Variants in BTBD8 observed in about 807,000 individuals in gnomAD.
The protein encoded by BTBD8 is BTB domain containing 8, also known as BTB/POZ domain-containing protein 8.
A neutral mutation model predicts 162.9 loss-of-function variants in BTBD8; 110 were observed. The observed-to-expected ratio is 0.68, with a 90% CI of 0.58 to 0.79. The LOEUF is 0.79. Among genes scored for constraint, BTBD8 ranks in the 30% least tolerant of loss-of-function variants. The pLI is 0.00. For missense variants in BTBD8, 1,905 were observed against 2,085.4 expected (o/e 0.91, Z 1.68); for synonymous variants, 667 against 716.1 (o/e 0.93, Z 1.10).
chr1:92,085,444 T>G (rs1648131918), intron 1 of BTBD8, among the ~76,000 whole-genome samples: 1 of 152,154 alleles, frequency 6.6e-6, no homozygotes, highest in Non-Finnish European at 1.5e-5. Context: ...ATACAAAAAC[T>G]AGCCTGGCAT....
chr1:92,095,863 C>T (rs1202227871), intron 2 of BTBD8, among the ~76,000 whole-genome samples: 1 of 152,152 alleles, frequency 6.6e-6, no homozygotes, highest in East Asian at 1.9e-4. Flanking sequence ...CATCTTGATT[C>T]TAAGAATCTT....
chr1:92,135,352 A>G (rs2101935380), intron 5 of BTBD8, among the ~76,000 whole-genome samples: 1 of 152,254 alleles, frequency 6.6e-6, no homozygotes, highest in Middle Eastern at 3.4e-3. Flanking sequence ...CACCCAGATA[A>G]TTTTTTATTT....
rs550797809 is a variant in BTBD8 at position 92,095,999 on chromosome 1, G to C, written c.348-6474G>C. On this transcript the variant is annotated intron_variant, in intron 2 of 17. Coordinates refer to ENST00000636805, the MANE Select transcript of BTBD8 (RefSeq NM_001376131.1). ...CTTTTTTTTTTTTTCTGAGACAGAG[G>C]CTTGCTCTGTCACCCAGGCTGGATG... 5.3e-5 allele frequency among the ~76,000 whole-genome samples: 8 copies of C among 151,100 alleles called. 1 individual carries two copies. The South Asian group carries it at 1.7e-3, about 32-fold the overall frequency.
chr1:92,085,855 G>A (rs1648145935), intron 1 of BTBD8, among the ~76,000 whole-genome samples: 1 of 152,124 alleles, frequency 6.6e-6, no homozygotes, highest in African/African-American at 2.4e-5. Context: ...AGGCCTTTGG[G>A]GCTACAAAGT....
chr1:92,098,580 G>GT lies in BTBD8; in HGVS notation c.348-3884dup, dbSNP rs879398810. Among the ~76,000 whole-genome samples the GT allele has an allele frequency of 4.7e-3, 705 of 150,692 alleles. 4 individuals are homozygous for GT. Among genetic ancestry groups the GT allele is most frequent in the Admixed American group, 0.011 (163 of 15,112 alleles). On this transcript the variant is annotated intron_variant, in intron 2 of 17. Transcript: ENST00000636805. ...TCTCCATATTCTCAACATGTTATCTGTTTTTTTTTAAAATTATACCTATCC... is the reference window on the plus strand; with the variant it reads ...TCTCCATATTCTCAACATGTTATCTGTTTTTTTTTTAAAATTATACCTATCC...
At chr1:92,178,187 T>G (rs1218472905) in intron 15 of BTBD8, 125 bp from the exon 16 acceptor site, 15 of 762,372 alleles carry the variant, frequency 2.0e-5, no homozygotes, top group African/African-American at 3.5e-5. Context: ...GAGCATATGA[T>G]TTTTCTATTT....
rs1307742577 is a variant in BTBD8 at position 92,184,324 on chromosome 1, G to A, written c.5373G>A (p.Gln1791=). The A allele has an allele frequency of 7.2e-6, 11 of 1,538,156 alleles. No individual in the cohort carries two copies. In the East Asian group the frequency reaches 2.5e-4, roughly 34 times the overall value. ...GEWTILELET[Q]H is the part of the protein sequence containing the mutation. ...GGACAATTCTGGAACTGGAAACTCA[G>A]CATTAAGTGTTAACATTTTGGAAAA... is the stretch of plus-strand genomic sequence containing the variant. Residue 1791 remains glutamine (Q), a synonymous_variant, in exon 18 of 18, where the codon CAG becomes CAA. Transcript: ENST00000636805.
intron 7 of BTBD8, among the ~76,000 whole-genome samples, chr1:92,141,660 TACTA>T (rs1649777741): frequency 6.6e-6 from 1 of 152,198 alleles, no homozygotes. Context: ...GACCTATGGA[TACTA>T]ACTAATTTTA....
chr1:92,133,597 C>T (rs930898493), intron 5 of BTBD8, among the ~76,000 whole-genome samples: 4 of 152,196 alleles, frequency 2.6e-5, no homozygotes, highest in Admixed American at 6.5e-5. Flanking sequence ...GTTAGTAATT[C>T]ACCAGATACT....
At position 92,128,909 on chromosome 1, in the gene BTBD8, T is replaced by A. The variant is rs557215320; in HGVS notation, c.663-778T>A. ...GTTTAAATTGGTCATGGTAGGTTTTTTGTTTTTTGGTTTTTTTTTCATTGA... is the reference window on the plus strand; with the variant it reads ...GTTTAAATTGGTCATGGTAGGTTTTATGTTTTTTGGTTTTTTTTTCATTGA... On this transcript the variant is annotated intron_variant, in intron 4 of 17. Coordinates refer to ENST00000636805, the MANE Select transcript of BTBD8 (RefSeq NM_001376131.1). 1.1e-3 allele frequency among the ~76,000 whole-genome samples: 174 copies of A among 152,246 alleles called. 1 individual carries two copies. The highest frequency in any genetic ancestry group is 4.0e-3 in the African/African-American group (166 of 41,566).
Position 92,080,428 on chromosome 1 carries a change from C to T in BTBD8, c.-144C>T. ...GCTTCTCTGGGAGACTGTCTACAAA[C>T]CGACGAGAGGCGTCAACCTTTTACC... On this transcript the variant is annotated 5_prime_UTR_variant, in exon 1 of 18. Coordinates refer to ENST00000636805, the MANE Select transcript of BTBD8 (RefSeq NM_001376131.1). 1 of 1,234,768 alleles carries T rather than the reference C, an allele frequency of 8.1e-7. No homozygotes were observed. Among genetic ancestry groups the T allele is most frequent in the Non-Finnish European group, 1.1e-6 (1 of 910,174 alleles). 76.5% of individuals were successfully genotyped at this position (1,234,768 alleles called of 1,614,324 possible).
At chr1:92,135,853 T>C (rs1345524191) in intron 5 of BTBD8, among the ~76,000 whole-genome samples, 2 of 152,212 alleles carry the variant, frequency 1.3e-5, no homozygotes, top group African/African-American at 4.8e-5. Context: ...TTTAAGAAAC[T>C]ATTATTTCAA....
At chr1:92,170,220 G>C (rs985285331) in intron 12 of BTBD8, among the ~76,000 whole-genome samples, 1 of 152,080 alleles carries the variant, frequency 6.6e-6, no homozygotes, top group Non-Finnish European at 1.5e-5. Context: ...CAACTATCCA[G>C]CTAATCCAAC....
At chr1:92,123,545 C>A (rs550920999) in intron 4 of BTBD8, among the ~76,000 whole-genome samples, 1 of 152,190 alleles carries the variant, frequency 6.6e-6, no homozygotes, top group South Asian at 2.1e-4. Flanking sequence ...AGAGGTCTTA[C>A]ACATTTTGTT....
chr1:92,171,364 T>G (rs1650538934), intron 12 of BTBD8, 35 bp from the exon 13 acceptor site: 1 of 1,478,930 alleles, frequency 6.8e-7, no homozygotes, highest in Non-Finnish European at 9.2e-7. Context: ...ATAATAATGT[T>G]CCTTATAAAA....
At chr1:92,085,123 T>C (rs924935150) in intron 1 of BTBD8, among the ~76,000 whole-genome samples, 2 of 152,234 alleles carry the variant, frequency 1.3e-5, no homozygotes, top group African/African-American at 4.8e-5. Context: ...TTCCCTACTA[T>C]ACTATAAACT....
At position 92,168,876 on chromosome 1, in the gene BTBD8, G is replaced by A; in HGVS notation, c.1454G>A (p.Cys485Tyr). ...SDSTKEMGFT[C>Y]KIQALRDKLW... Reference sequence around the variant, plus strand: ...GTTGCTTGAACACAGGGTTTTACGTGCAAGATCCAGGCTCTGCGTGATAAG... The same window carrying A: ...GTTGCTTGAACACAGGGTTTTACGTACAAGATCCAGGCTCTGCGTGATAAG... Residue 485 changes from cysteine (C) to tyrosine (Y), a missense_variant, in exon 12 of 18, where the codon TGC becomes TAC. Physicochemically the swap from Cys to Tyr is radical, Grantham distance 194. This residue lies in a region of BTBD8 where 1,374 missense variants were observed against 1,442.7 expected (regional missense o/e 0.95). Transcript: ENST00000636805. The A allele has an allele frequency of 6.6e-7, 1 of 1,520,464 alleles. No homozygotes were observed. 94.2% of individuals were successfully genotyped at this position (1,520,464 alleles called of 1,614,324 possible).
chr1:92,146,012 T>A (rs1405912487), intron 7 of BTBD8, among the ~76,000 whole-genome samples: 1 of 152,072 alleles, frequency 6.6e-6, no homozygotes, highest in Non-Finnish European at 1.5e-5. Flanking sequence ...GTAATTATGA[T>A]CTAATTAAAT....
At chr1:92,166,083 T>G (rs1650377722) in intron 9 of BTBD8, among the ~76,000 whole-genome samples, 1 of 152,230 alleles carries the variant, frequency 6.6e-6, no homozygotes, top group African/African-American at 2.4e-5. Flanking sequence ...CTCATTGTCA[T>G]TCCATTTTCC....
Sources: allele counts gnomAD v4.1 joint callset (sites outside exome capture counted in the v4.1 genomes callset), GRCh38; gene constraint gnomAD v4.1.1; regional missense constraint gnomAD v4.1.1; transcripts MANE v1.5; gene names NCBI Gene and HGNC (gene_info 2026-07-23, HGNC 2026-07-21).